The following VPS13D variants were observed in gnomAD, a reference collection of about 807,000 sequenced individuals.
VPS13D encodes intermembrane lipid transfer protein VPS13D.
VPS13D carries 187 observed loss-of-function variants against 461.9 expected under a neutral mutation model. The observed-to-expected ratio is 0.40, with a 90% CI of 0.36 to 0.46. The LOEUF (loss-of-function observed/expected upper bound fraction) is 0.46. Among genes scored for constraint, VPS13D ranks in the 20% least tolerant of loss-of-function variants. The pLI, the probability that VPS13D is intolerant of heterozygous loss-of-function variation, is 0.60. For missense variants in VPS13D, 4,711 were observed against 5,364.9 expected (o/e 0.88, Z 3.81); for synonymous variants, 1,951 against 1,986.3 (o/e 0.98, Z 0.47).
chr1:12,256,177 A>T, intron 7 of VPS13D, 156 bp from the exon 8 acceptor site: 1 of 794,578 alleles, frequency 1.3e-6, no homozygotes. Context: ...TAAAAAGAAT[A>T]AAAATGAATA....
chr1:12,335,588 C>A, intron 38 of VPS13D, 117 bp from the exon 39 acceptor site: 2 of 1,321,018 alleles, frequency 1.5e-6, no homozygotes, highest in Non-Finnish European at 2.1e-6. Context: ...GAATCTAGCA[C>A]AGGCCAGGCA....
rs772963334 is a variant in VPS13D, at chr1:12,299,175, C to T, written c.6034-27C>T. 1.0e-5 allele frequency: 16 copies of T among 1,543,642 alleles called. No individual in the cohort carries two copies. In the African/African-American group the frequency reaches 2.1e-4, roughly 20 times the overall value. On this transcript the variant is annotated intron_variant, in intron 24 of 69. Transcript: ENST00000620676. The surrounding 1 kb of genome is among the most constrained non-coding windows in gnomAD (Gnocchi z 4.2). ...GTAAAATTAGGGAATTAATTATCCT[C>T]TGAGTCAGTTTTCCTTCCTCTTTCA...
In VPS13D at chr1:12,362,158, C is replaced by T. The variant is rs371445048; in HGVS notation, c.10142-562C>T. On this transcript the variant is annotated intron_variant, in intron 50 of 69. Coordinates refer to ENST00000620676, the MANE Select transcript of VPS13D (RefSeq NM_015378.4). ...GATTACAGGCATGAGCCACCACACC[C>T]GGCCATGAATAAGTTCTATAGTACT... 3.7e-3 allele frequency among the ~76,000 whole-genome samples: 562 copies of T among 152,308 alleles called. 4 individuals carry two copies. The highest frequency in any genetic ancestry group is 0.027 in the Middle Eastern group (8 of 294).
chr1:12,389,279 C>T (rs538056542), intron 60 of VPS13D, among the ~76,000 whole-genome samples: 4 of 152,282 alleles, frequency 2.6e-5, no homozygotes, highest in African/African-American at 9.6e-5. Flanking sequence ...TTTTTGGCAG[C>T]ACCCTCACAG....
chr1:12,259,660 T>C (rs918577805), intron 10 of VPS13D, among the ~76,000 whole-genome samples: 10 of 152,190 alleles, frequency 6.6e-5, no homozygotes, highest in Non-Finnish European at 1.3e-4. Context: ...AAAATCTTAT[T>C]TACAACTGAG....
intron 65 of VPS13D, among the ~76,000 whole-genome samples, chr1:12,450,677 G>A (rs1001321791): frequency 6.6e-5 from 10 of 152,144 alleles, no homozygotes; most frequent in South Asian, 2.1e-4. Context: ...AGATGACTTC[G>A]CCCAGCTGTC....
chr1:12,248,729 A>G (rs1640638445), intron 5 of VPS13D, among the ~76,000 whole-genome samples: 1 of 152,222 alleles, frequency 6.6e-6, no homozygotes, highest in Admixed American at 6.5e-5. Flanking sequence ...ACATATATAC[A>G]TACATAGTTT....
rs767555989 is a variant in VPS13D at position 12,277,964 on chromosome 1, C to G, written c.4376C>G (p.Ser1459Cys). 9.9e-6 allele frequency: 16 copies of G among 1,614,088 alleles called. No homozygotes were observed. The highest frequency in any genetic ancestry group is 1.7e-5 in the Admixed American group (1 of 60,010). ...CGGATGTTTTGCCCACCTTCCGGGT[C>G]TGGCAGTGCCAACAGTCAGGAGGAA... ...GSRMFCPPSG[S>C]GSANSQEEAH... Residue 1459 changes from serine to cysteine, a missense_variant, in exon 19 of 70, where the codon TCT becomes TGT. By Grantham distance (112) the Ser-to-Cys change is moderately radical. Transcript: ENST00000620676.
rs753888129 is a variant in VPS13D, at chr1:12,433,970, G to GT, written c.12333+17143_12333+17144insT. Among the ~76,000 whole-genome samples the GT allele has an allele frequency of 3.6e-3, 502 of 141,040 alleles. 4 individuals carry two copies. Among genetic ancestry groups the GT allele is most frequent in the African/African-American group, 0.011 (442 of 40,132 alleles). 92.5% of individuals were successfully genotyped at this position (141,040 alleles called of 152,430 possible). On this transcript the variant is annotated intron_variant, in intron 65 of 69. Transcript: ENST00000620676. ...AGAGAGTGTGTGTGTGTGTGTGTGTGGAGGAGGAGGAGGAGGAAAGAAGTT... is the reference window on the plus strand; with the variant it reads ...AGAGAGTGTGTGTGTGTGTGTGTGTGTGAGGAGGAGGAGGAGGAAAGAAGTT...
chr1:12,312,025 C>A, intron 29 of VPS13D, 100 bp downstream of exon 29: 2 of 965,702 alleles, frequency 2.1e-6, no homozygotes, highest in South Asian at 1.6e-5. Flanking sequence ...TGGTGGCCCA[C>A]AGATGGAATG....
rs200444909 is a variant in VPS13D at position 12,320,774 on chromosome 1, T to C, written c.7549-1035T>C. On this transcript the variant is annotated intron_variant, in intron 32 of 69. Transcript: ENST00000620676. ...GAAACCCCTGAAGGAAAAAGGAAAA[T>C]GAAACTGTTCTGCTCTGAAGTCTTA... is the stretch of plus-strand genomic sequence containing the variant. Among the ~76,000 whole-genome samples, 11 of 152,270 alleles carry C rather than the reference T, an allele frequency of 7.2e-5. No homozygotes were observed. The East Asian group carries it at 1.2e-3, about 16-fold the overall frequency.
intron 63 of VPS13D, 67 bp downstream of exon 63, chr1:12,404,040 A>G (rs1053192138): frequency 8.5e-5 from 122 of 1,434,826 alleles, no homozygotes; most frequent in Non-Finnish European, 1.1e-4. Context: ...TGTGTTTACT[A>G]TTTGTTGTTT....
rs959362869 is a variant in VPS13D at position 12,406,953 on chromosome 1, TA to T, written c.12030+2981del. 1.4e-4 allele frequency among the ~76,000 whole-genome samples: 22 copies of T among 152,318 alleles called. No individual in the cohort carries two copies. The South Asian group carries it at 1.4e-3, about 10-fold the overall frequency. On this transcript the variant is annotated intron_variant, in intron 63 of 69. Coordinates refer to ENST00000620676, the MANE Select transcript of VPS13D (RefSeq NM_015378.4). The stretch of plus-strand genomic sequence containing the variant: ...ATGGTCAGAGTGAGAGGGTGGGGGT[TA>T]GGGGGAGTTTCGAACAAAGACACTA...
rs750623255 is a variant in VPS13D, at chr1:12,311,851, C to T, written c.6861C>T (p.Phe2287=). ...GAGAAGTGTACACCTGTATGTGCTT[C>T]CTCATTGATATGGTGAATGTAAGTC... ...LSGEVYTCMC[F]LIDMVNVSLE... Residue 2287 remains phenylalanine (F), a synonymous_variant, in exon 29 of 70, where the codon TTC becomes TTT. Coordinates refer to ENST00000620676, the MANE Select transcript of VPS13D (RefSeq NM_015378.4). 1.2e-6 allele frequency: 2 copies of T among 1,614,010 alleles called. No homozygotes were observed. Among genetic ancestry groups the T allele is most frequent in the Non-Finnish European group, 1.7e-6 (2 of 1,180,016 alleles).
At chr1:12,416,941 C>T (rs1442092862) in intron 65 of VPS13D, 114 bp downstream of exon 65, 9 of 1,174,538 alleles carry the variant, frequency 7.7e-6, no homozygotes, top group African/African-American at 3.2e-5. Context: ...GCTTTTGCTT[C>T]ATTGCCCACA....
At chr1:12,242,697 T>A in intron 3 of VPS13D, 107 bp downstream of exon 3, 4 of 889,920 alleles carry the variant, frequency 4.5e-6, no homozygotes, top group Non-Finnish European at 7.2e-6. Context: ...AGAGGAAGGA[T>A]ATAGCAAATG....
At chr1:12,392,033 G>A (rs573616559) in intron 60 of VPS13D, among the ~76,000 whole-genome samples, 1 of 152,016 alleles carries the variant, frequency 6.6e-6, no homozygotes, top group East Asian at 2.0e-4. Flanking sequence ...GCTGATTTTT[G>A]TATTTTTTGT....
At position 12,502,643 on chromosome 1, in the gene VPS13D, A is replaced by C. The variant is rs1370233097; in HGVS notation, c.12795-4210A>C. On this transcript the variant is annotated intron_variant, in intron 68 of 69. Transcript: ENST00000620676. This position sits in a 1 kb window ranked among gnomAD's most constrained non-coding sequence, Gnocchi z 4.3. Reference sequence around the variant, plus strand: ...AGGTATATAAATGAGTTAATATCGAAAAAAAAAAAAAAGAGCAGGAGGAAA... The same window carrying C: ...AGGTATATAAATGAGTTAATATCGACAAAAAAAAAAAAGAGCAGGAGGAAA... Among the ~76,000 whole-genome samples the C allele has an allele frequency of 7.1e-6, 1 of 141,588 alleles. No homozygotes were observed. Among genetic ancestry groups the C allele is most frequent in the Non-Finnish European group, 1.6e-5 (1 of 64,472 alleles). The allele number at this position is 141,588 out of a possible 152,430, so 92.9% of individuals were successfully genotyped here. A position where few individuals can be genotyped will look rare whatever the true frequency, so the allele number is the denominator to read the frequency against.
intron 67 of VPS13D, chr1:12,478,539 C>G (rs990554705): frequency 3.2e-6 from 1 of 311,920 alleles, no homozygotes. Context: ...CGAGGCTGTC[C>G]TGTTTAACCC....
Sources: gnomAD v4.1 joint callset for allele counts (sites outside exome capture counted in the v4.1 genomes callset) on GRCh38, gnomAD v4.1.1 for gene constraint, Gnocchi (gnomAD v3.1) non-coding constraint, MANE v1.5 for transcripts, NCBI Gene and HGNC (gene_info 2026-07-23, HGNC 2026-07-21) for gene names.